Variants in CRYL1 observed in about 807,000 individuals in gnomAD.
CRYL1 encodes lambda-crystallin homolog.
CRYL1 carries 29 observed loss-of-function variants against 36.6 expected under a neutral mutation model. The ratio of observed to expected loss-of-function variants is 0.79; its 90% CI spans 0.59 to 1.08. The LOEUF (loss-of-function observed/expected upper bound fraction) is 1.08, where lower values mean the gene tolerates loss of function less well. Among genes scored for constraint, CRYL1 ranks in the 50% least tolerant of loss-of-function variants. CRYL1 has a pLI of 0.00. For synonymous variants in CRYL1, 152 were observed against 151.5 expected, an observed-to-expected ratio of 1.00 and a Z score of -0.02; for missense variants, 411 against 407.9, an observed-to-expected ratio of 1.01 and a Z score of -0.06.
intron 2 of CRYL1, among the ~76,000 whole-genome samples, chr13:20,511,372 G>T (rs1228996527): frequency 6.6e-6 from 1 of 152,118 alleles, no homozygotes; most frequent in Non-Finnish European, 1.5e-5. Flanking sequence ...GATTACAGGT[G>T]TGAGCTACCA....
At chr13:20,504,302 CTTTT>C (rs757657892) in intron 2 of CRYL1, among the ~76,000 whole-genome samples, 1 of 128,488 alleles carries the variant, frequency 7.8e-6, no homozygotes, top group Admixed American at 7.9e-5. Flanking sequence ...CTTTTCTTTT[CTTTT>C]TTTTTTTTTT....
chr13:20,489,560 C>T (rs2137473035), intron 2 of CRYL1, 64 bp from the exon 3 acceptor site: 5 of 1,586,430 alleles, frequency 3.2e-6, no homozygotes, highest in Non-Finnish European at 4.3e-6. Context: ...CAGATAAAGC[C>T]CAACATCAGG....
intron 4 of CRYL1, among the ~76,000 whole-genome samples, chr13:20,436,165 C>T (rs192351276): frequency 8.5e-5 from 13 of 152,206 alleles, no homozygotes; most frequent in African/African-American, 2.9e-4. Context: ...GCCTCTCCCC[C>T]AACGCCCACC....
chr13:20,439,542 A>AAAC, intron 4 of CRYL1, 51 bp downstream of exon 4: 1 of 1,397,542 alleles, frequency 7.2e-7, no homozygotes, highest in Non-Finnish European at 9.6e-7. Context: ...AAAAAAAAAA[A>AAAC]ACACAGAATG....
intron 3 of CRYL1, among the ~76,000 whole-genome samples, chr13:20,444,134 AAAG>A (rs1294899544): frequency 6.6e-6 from 1 of 152,244 alleles, no homozygotes; most frequent in African/African-American, 2.4e-5. Flanking sequence ...ATTTTTAAAA[AAAG>A]AATCTTTTTG....
Position 20,425,139 on chromosome 13 carries a change from G to GC in CRYL1, c.633+6962dup, listed in dbSNP as rs1271750571. On this transcript the variant is annotated intron_variant, in intron 5 of 7. Transcript: ENST00000298248. The surrounding 1 kb of genome is among the most constrained non-coding windows in gnomAD (Gnocchi z 4.4). Reference sequence around the variant, plus strand: ...GCACCACAGTCTGAAGCAAACCACAGCAATTCACTTCCAACGCCGTCCTTC... The same window carrying GC: ...GCACCACAGTCTGAAGCAAACCACAGCCAATTCACTTCCAACGCCGTCCTTC... Among the ~76,000 whole-genome samples, 1 of 152,190 alleles carries GC rather than the reference G, an allele frequency of 6.6e-6. No individual in the cohort carries two copies. Among genetic ancestry groups the GC allele is most frequent in the African/African-American group, 2.4e-5 (1 of 41,450 alleles).
intron 1 of CRYL1, chr13:20,513,782 G>A (rs1348044782): frequency 6.6e-6 from 1 of 152,254 alleles, no homozygotes; most frequent in East Asian, 1.9e-4. Flanking sequence ...CCAAGTCTTG[G>A]TTTCCAATAC....
rs893040269 is a variant in CRYL1, at chr13:20,435,812, C to G, written c.439-3516G>C. 2.0e-4 allele frequency among the ~76,000 whole-genome samples: 30 copies of G among 152,292 alleles called. No homozygotes were observed. The highest frequency in any genetic ancestry group is 3.3e-4 in the Admixed American group (5 of 15,310). ...TGCCCACAGAGACTCCCTTCACCCC[C>G]GCTCCGGGAGCAACCAAAACGGCGA... is the stretch of plus-strand genomic sequence containing the variant. On this transcript the variant is annotated intron_variant, in intron 4 of 7. Coordinates refer to ENST00000298248, the MANE Select transcript of CRYL1 (RefSeq NM_015974.3). The surrounding 1 kb of genome is among the most constrained non-coding windows in gnomAD (Gnocchi z 4.0).
intron 2 of CRYL1, among the ~76,000 whole-genome samples, chr13:20,508,584 C>T (rs1376249308): frequency 1.3e-5 from 2 of 152,044 alleles, no homozygotes; most frequent in Non-Finnish European, 2.9e-5. Context: ...CAGTGGCTCA[C>T]GCCTGTAATC....
intron 3 of CRYL1, among the ~76,000 whole-genome samples, chr13:20,447,084 G>T (rs2032471733): frequency 6.6e-6 from 1 of 152,162 alleles, no homozygotes; most frequent in African/African-American, 2.4e-5. Context: ...TTCTGGCACA[G>T]GGCAACTGAC....
chr13:20,494,769 C>T (rs1593485328), intron 2 of CRYL1, among the ~76,000 whole-genome samples: 1 of 152,196 alleles, frequency 6.6e-6, no homozygotes, highest in Admixed American at 6.5e-5. Flanking sequence ...CCCATGGAGA[C>T]AGCAAGCAGT....
intron 3 of CRYL1, among the ~76,000 whole-genome samples, chr13:20,441,548 T>C (rs1168936897): frequency 2.0e-5 from 3 of 152,304 alleles, no homozygotes; most frequent in South Asian, 4.1e-4. Context: ...TCTAACCACC[T>C]GACCAATTTC....
At chr13:20,423,265 T>G (rs1481188678) in intron 5 of CRYL1, among the ~76,000 whole-genome samples, 1 of 152,328 alleles carries the variant, frequency 6.6e-6, no homozygotes, top group East Asian at 1.9e-4. Context: ...TATTTCTTTC[T>G]CTTGCCTAAT....
chr13:20,496,814 C>T (rs2033612190), intron 2 of CRYL1, among the ~76,000 whole-genome samples: 1 of 141,082 alleles, frequency 7.1e-6, no homozygotes, highest in African/African-American at 2.7e-5. Flanking sequence ...CACTGCACTC[C>T]AGCCCGGGCA....
chr13:20,518,318 C>A (rs1357114331), intron 1 of CRYL1, among the ~76,000 whole-genome samples: 1 of 152,088 alleles, frequency 6.6e-6, no homozygotes, highest in African/African-American at 2.4e-5. Context: ...ATGTTAAAAG[C>A]GCCACCAGGG....
intron 3 of CRYL1, among the ~76,000 whole-genome samples, chr13:20,484,319 TGGTTGCAGCCCGGCAGA>T (rs2033351206): frequency 6.6e-6 from 1 of 151,976 alleles, no homozygotes; most frequent in Admixed American, 6.6e-5. Flanking sequence ...AGCAGATGAG[TGGTTGCAGCCCGGCAGA>T]GGCTGCGGAC....
Position 20,420,701 on chromosome 13 carries a change from T to TTTTTTTTTTTTGTGTGTGTGTG in CRYL1, c.634-7315_634-7314insCACACACACACAAAAAAAAAAA. Among the ~76,000 whole-genome samples, 3 of 21,840 alleles carry TTTTTTTTTTTTGTGTGTGTGTG rather than the reference T, an allele frequency of 1.4e-4. 1 individual carries two copies. Among genetic ancestry groups the TTTTTTTTTTTTGTGTGTGTGTG allele is most frequent in the Non-Finnish European group, 2.7e-4 (2 of 7,326 alleles). 14.3% of individuals were successfully genotyped at this position (21,840 alleles called of 152,430 possible). ...CTTTGACTTTTCTTTAAAATAGAGG[T>TTTTTTTTTTTTGTGTGTGTGTG]TGTGTGTGTGTGTGTGTGTGTGTGT... On this transcript the variant is annotated intron_variant, in intron 5 of 7. Coordinates refer to ENST00000298248, the MANE Select transcript of CRYL1 (RefSeq NM_015974.3).
chr13:20,512,499 C>G lies in CRYL1; in HGVS notation c.93G>C (p.Gln31His). ...WAMLFASGGFQVKLYDIEQQQ... is the reference protein window; with the variant it reads ...WAMLFASGGFHVKLYDIEQQQ... ...GTTGCTCAATGTCATAGAGTTTCAC[C>G]TGGAAGCCTCCACTGGCAAACAGCA... The change falls in exon 2 of 8, where the codon CAG becomes CAC. Residue 31 changes from glutamine (Q) to histidine (H), a missense_variant. Coordinates refer to ENST00000298248, the MANE Select transcript of CRYL1 (RefSeq NM_015974.3). The G allele has an allele frequency of 6.2e-7, 1 of 1,614,152 alleles. No homozygotes were observed. The highest frequency in any genetic ancestry group is 1.1e-5 in the South Asian group (1 of 91,074).
intron 4 of CRYL1, among the ~76,000 whole-genome samples, chr13:20,433,154 A>T (rs1296716855): frequency 6.6e-6 from 1 of 152,208 alleles, no homozygotes; most frequent in African/African-American, 2.4e-5. Flanking sequence ...ACACCTCAGC[A>T]GCCCCAGCAC....
Sources: gnomAD v4.1 joint callset for allele counts (sites outside exome capture counted in the v4.1 genomes callset) on GRCh38, gnomAD v4.1.1 for gene constraint, Gnocchi (gnomAD v3.1) non-coding constraint, MANE v1.5 for transcripts, NCBI Gene and HGNC (gene_info 2026-07-23, HGNC 2026-07-21) for gene names.